The following SVEP1 variants were observed in gnomAD, a reference collection of about 807,000 sequenced individuals.
SVEP1 encodes the protein sushi, von Willebrand factor type A, EGF and pentraxin domain containing 1.
In SVEP1, 164 loss-of-function variants were observed where a neutral mutation model predicts 367.3. The ratio of observed to expected loss-of-function variants is 0.45; its 90% CI spans 0.39 to 0.51. The LOEUF (loss-of-function observed/expected upper bound fraction) is 0.51, where lower values mean the gene tolerates loss of function less well. SVEP1 is among the 20% of genes least tolerant of loss of function. The pLI, the probability that SVEP1 is intolerant of heterozygous loss-of-function variation, is 0.00. For synonymous variants in SVEP1, 1,666 were observed against 1,611.6 expected, an observed-to-expected ratio of 1.03 and a Z score of -0.81; for missense variants, 4,117 against 4,425.3, an observed-to-expected ratio of 0.93 and a Z score of 1.98.
chr9:110,493,452 G>C (rs1356189351), intron 8 of SVEP1, among the ~76,000 whole-genome samples: 1 of 152,020 alleles, frequency 6.6e-6, no homozygotes, highest in African/African-American at 2.4e-5. Context: ...AACAAAAATG[G>C]GCCAGGCACG....
intron 40 of SVEP1, among the ~76,000 whole-genome samples, chr9:110,391,991 A>G (rs10980363): frequency 0.19 from 29,288 of 151,580 alleles, 2,956 homozygotes; most frequent in Middle Eastern, 0.32. Flanking sequence ...CTATCTTCAG[A>G]CAGGGTTTTA....
intron 26 of SVEP1, 144 bp downstream of exon 26, chr9:110,445,693 C>T: frequency 2.4e-6 from 2 of 827,422 alleles, no homozygotes; most frequent in Non-Finnish European, 3.8e-6. Flanking sequence ...AGAACTTGTT[C>T]AGATGCTCCA....
intron 42 of SVEP1, 23 bp from the exon 43 acceptor site, chr9:110,386,097 C>T (rs1214733189): frequency 8.8e-6 from 14 of 1,596,988 alleles, no homozygotes; most frequent in Non-Finnish European, 1.2e-5. Context: ...AAAGAAAATG[C>T]TTACTGATAT....
chr9:110,406,472 T>C lies in SVEP1; in HGVS notation c.9128A>G (p.Glu3043Gly), dbSNP rs1292594420. ...FKGFKLLGLS[E>G]ITCEADGQWS... ...CTGGCCATCGGCTTCACAGGTGATT[T>C]CAGAAAGTCCTAGGAGCTTGAAGCC... Residue 3043 changes from glutamate to glycine, a missense_variant, in exon 38 of 48, where the codon GAA (glutamate) becomes GGA (glycine). By Grantham distance (98) the Glu-to-Gly change is moderately conservative. Around this residue, in one of 4 missense-constraint regions of SVEP1, gnomAD observed 1,765 missense variants for 1,781.1 expected, o/e 0.99. Transcript: ENST00000374469. 1 of 1,613,968 alleles carries C rather than the reference T, an allele frequency of 6.2e-7. No individual in the cohort carries two copies. The highest frequency in any genetic ancestry group is 2.2e-5 in the East Asian group (1 of 44,882).
Position 110,468,808 on chromosome 9 carries a change from G to T in SVEP1, c.3160+132C>A, listed in dbSNP as rs189614661. 1.8e-3 allele frequency: 1,549 copies of T among 847,680 alleles called. 6 individuals carry two copies. Among genetic ancestry groups the T allele is most frequent in the Non-Finnish European group, 2.2e-3 (1,309 of 582,886 alleles). 52.5% of individuals were successfully genotyped at this position (847,680 alleles called of 1,614,324 possible). ...GAATAAATGTGTATGCTTTTCTCTT[G>T]CAAATCTATCTTTTGCCACAGGGGC... is the stretch of plus-strand genomic sequence containing the variant. On this transcript the variant is annotated intron_variant, in intron 17 of 47. Transcript: ENST00000374469.
intron 6 of SVEP1, 142 bp downstream of exon 6, chr9:110,502,896 T>G: frequency 1.3e-6 from 1 of 755,486 alleles, no homozygotes; most frequent in Non-Finnish European, 2.0e-6. Flanking sequence ...TTTTTGTATC[T>G]GTAACACCTG....
intron 1 of SVEP1, among the ~76,000 whole-genome samples, chr9:110,572,511 C>T (rs1018891335): frequency 6.6e-6 from 1 of 152,070 alleles, no homozygotes; most frequent in East Asian, 1.9e-4. Flanking sequence ...ACATGTAGTG[C>T]TAGATTAAGA....
chr9:110,367,231 C>G (rs1827214286), intron 47 of SVEP1, among the ~76,000 whole-genome samples: 1 of 152,230 alleles, frequency 6.6e-6, no homozygotes, highest in South Asian at 2.1e-4. Context: ...ACAATCTTGG[C>G]TCGCTGCAAC....
intron 14 of SVEP1, among the ~76,000 whole-genome samples, chr9:110,473,638 G>C (rs1829055515): frequency 6.6e-6 from 1 of 152,044 alleles, no homozygotes; most frequent in Non-Finnish European, 1.5e-5. Flanking sequence ...TAGACTTTTA[G>C]GTTATTTCAA....
chr9:110,554,437 G>C (rs575426460), intron 1 of SVEP1, among the ~76,000 whole-genome samples: 1 of 152,144 alleles, frequency 6.6e-6, no homozygotes, highest in Non-Finnish European at 1.5e-5. Context: ...GCCCCCTACT[G>C]TGGTCTCCAA....
intron 1 of SVEP1, among the ~76,000 whole-genome samples, chr9:110,562,707 A>G (rs1435421413): frequency 6.6e-6 from 1 of 151,796 alleles, no homozygotes; most frequent in African/African-American, 2.4e-5. Flanking sequence ...ATTATTTTTG[A>G]GATGGAGTTT....
At chr9:110,400,722 G>A (rs1380071527) in intron 40 of SVEP1, 132 bp downstream of exon 40, 8 of 1,021,734 alleles carry the variant, frequency 7.8e-6, no homozygotes, top group African/African-American at 6.5e-5. Context: ...AAATGTTAGA[G>A]TATAAGGGAA....
chr9:110,445,781 C>T (rs1302532865), intron 26 of SVEP1, 56 bp downstream of exon 26: 5 of 1,592,924 alleles, frequency 3.1e-6, no homozygotes, highest in Non-Finnish European at 4.3e-6. Context: ...AATGTCAGTT[C>T]TAATTCGGTT....
At chr9:110,535,526 T>G (rs1199730990) in intron 3 of SVEP1, among the ~76,000 whole-genome samples, 1 of 152,036 alleles carries the variant, frequency 6.6e-6, no homozygotes, top group Non-Finnish European at 1.5e-5. Flanking sequence ...AACTTAAAAT[T>G]GTATTTTCTA....
At chr9:110,373,215 A>G (rs568559475) in intron 46 of SVEP1, among the ~76,000 whole-genome samples, 17 of 152,318 alleles carry the variant, frequency 1.1e-4, no homozygotes, top group African/African-American at 4.1e-4. Flanking sequence ...AGCAAAGTTG[A>G]TTTGTTATAA....
intron 27 of SVEP1, among the ~76,000 whole-genome samples, chr9:110,440,620 T>A (rs1332945468): frequency 6.6e-6 from 1 of 152,118 alleles, no homozygotes; most frequent in African/African-American, 2.4e-5. Flanking sequence ...AAAAGCTCAG[T>A]GAGAAAGGGC....
At chr9:110,453,387 A>G (rs771999792) in intron 22 of SVEP1, among the ~76,000 whole-genome samples, 64 of 152,256 alleles carry the variant, frequency 4.2e-4, no homozygotes, top group Non-Finnish European at 7.2e-4. Flanking sequence ...TGAGAATAAG[A>G]TCACTGTTTC....
intron 46 of SVEP1, among the ~76,000 whole-genome samples, chr9:110,371,493 A>AC: frequency 6.6e-6 from 1 of 152,078 alleles, no homozygotes; most frequent in East Asian, 1.9e-4. Flanking sequence ...CTTCATCTAA[A>AC]TGCATTTTCT....
intron 20 of SVEP1, chr9:110,458,216 C>T: frequency 1.7e-6 from 1 of 590,472 alleles, no homozygotes; most frequent in Non-Finnish European, 3.1e-6. Flanking sequence ...AAAAGGCTCC[C>T]CCTGGATCTA....
Sources: allele counts gnomAD v4.1 joint callset (sites outside exome capture counted in the v4.1 genomes callset), GRCh38; gene constraint gnomAD v4.1.1; regional missense constraint gnomAD v4.1.1; transcripts MANE v1.5; gene names NCBI Gene and HGNC (gene_info 2026-07-23, HGNC 2026-07-21).